Variants in RNF213 observed in about 807,000 individuals in gnomAD.
RNF213 encodes E3 ubiquitin-protein ligase RNF213.
Under a neutral mutation model 514.4 loss-of-function variants are expected in RNF213, and 341 were observed. That is an observed-to-expected ratio of 0.66 (90% CI 0.61 to 0.73). The LOEUF (loss-of-function observed/expected upper bound fraction) is 0.73. Among genes scored for constraint, RNF213 ranks in the 30% least tolerant of loss-of-function variants. RNF213 has a pLI of 0.00. For missense variants in RNF213, 5,767 were observed against 6,615.6 expected (o/e 0.87, Z 4.45); for synonymous variants, 2,655 against 2,658.2 (o/e 1.00, Z 0.04).
chr17:80,287,999 A>G lies in RNF213; in HGVS notation c.446A>G (p.Gln149Arg), dbSNP rs1431488000. The change falls in exon 4 of 68, where the codon CAG becomes CGG. Residue 149 changes from glutamine to arginine, a missense_variant. This residue lies in a region of RNF213 where 509 missense variants were observed against 496.7 expected (regional missense o/e 1.02). Transcript: ENST00000582970. ...AGTGGCCCCACTGGCCAGCCGAGCC[A>G]GCCCCCAGGCACAGCCACCACGCCA... ...QQSGPTGQPSQPPGTATTPLE... is the reference protein window; with the variant it reads ...QQSGPTGQPSRPPGTATTPLE... The G allele has an allele frequency of 6.3e-7, 1 of 1,588,358 alleles. No individual in the cohort carries two copies. Among genetic ancestry groups the G allele is most frequent in the Admixed American group, 1.8e-5 (1 of 54,696 alleles).
At chr17:80,375,423 C>A (rs896564885) in intron 50 of RNF213, among the ~76,000 whole-genome samples, 1 of 151,906 alleles carries the variant, frequency 6.6e-6, no homozygotes, top group Non-Finnish European at 1.5e-5. Context: ...TGGCAGGCAG[C>A]GGTGCGGGGG....
chr17:80,340,731 C>A (rs2078132718), intron 26 of RNF213: 2 of 187,880 alleles, frequency 1.1e-5, no homozygotes, highest in Admixed American at 5.9e-5. Context: ...AGCAATTATC[C>A]TGCCTCAGCC....
intron 18 of RNF213, 29 bp downstream of exon 18, chr17:80,325,227 A>C: frequency 6.6e-7 from 1 of 1,511,080 alleles, no homozygotes; most frequent in Non-Finnish European, 8.9e-7. Context: ...TGGGAACATC[A>C]GCTCAGGCAA....
intron 3 of RNF213, 37 bp from the exon 4 acceptor site, chr17:80,287,778 T>C: frequency 6.2e-7 from 1 of 1,605,302 alleles, no homozygotes; most frequent in Non-Finnish European, 8.5e-7. Flanking sequence ...GTAGAGTAAA[T>C]CTAAGAAATA....
intron 32 of RNF213, chr17:80,352,225 G>A (rs1163181695): frequency 2.6e-5 from 5 of 194,124 alleles, no homozygotes; most frequent in African/African-American, 9.5e-5. Context: ...TCTGAAATTA[G>A]AATATTATTG....
At position 80,393,545 on chromosome 17, in the gene RNF213, T is replaced by C. The variant is rs1209479973; in HGVS notation, c.*47T>C. 6.3e-7 allele frequency: 1 copy of C among 1,597,138 alleles called. No homozygotes were observed. The highest frequency in any genetic ancestry group is 1.1e-5 in the South Asian group (1 of 90,484). On this transcript the variant is annotated 3_prime_UTR_variant, in exon 68 of 68. Coordinates refer to ENST00000582970, the MANE Select transcript of RNF213 (RefSeq NM_001256071.3). Reference sequence around the variant, plus strand: ...TGGATGACTTTGGAGAGAAGACTCCTCTCTCCTCGTCTGCGGCGTGGACTT... The same window carrying C: ...TGGATGACTTTGGAGAGAAGACTCCCCTCTCCTCGTCTGCGGCGTGGACTT...
intron 21 of RNF213, 122 bp from the exon 22 acceptor site, chr17:80,333,983 A>G (rs2077911060): frequency 1.8e-6 from 2 of 1,102,912 alleles, no homozygotes; most frequent in Non-Finnish European, 2.6e-6. Flanking sequence ...CTGTTGTCAC[A>G]GCAGTGGCAA....
At position 80,306,132 on chromosome 17, in the gene RNF213, G is replaced by A. The variant is rs1348318932; in HGVS notation, c.2211-120G>A. The stretch of plus-strand genomic sequence containing the variant: ...TGTGAGCCACCACGCCTGCCCTCAA[G>A]TAGTATTTAAATCATTTTTGAATTC... On this transcript the variant is annotated intron_variant, in intron 11 of 67. Transcript: ENST00000582970. 3 of 980,458 alleles carry A rather than the reference G, an allele frequency of 3.1e-6. No homozygotes were observed. In the African/African-American group the frequency reaches 4.8e-5, roughly 16 times the overall value. 60.7% of individuals were successfully genotyped at this position (980,458 alleles called of 1,614,324 possible). A position where few individuals can be genotyped will look rare whatever the true frequency, so the allele number is the denominator to read the frequency against.
At chr17:80,356,614 C>T (rs1036857747) in intron 36 of RNF213, among the ~76,000 whole-genome samples, 4 of 152,252 alleles carry the variant, frequency 2.6e-5, no homozygotes, top group African/African-American at 9.6e-5. Flanking sequence ...CGAACTCTGC[C>T]TGCCTGTCCA....
intron 3 of RNF213, among the ~76,000 whole-genome samples, chr17:80,287,032 G>T (rs2044495830): frequency 6.6e-6 from 1 of 152,154 alleles, no homozygotes. Context: ...TTATAGAGGT[G>T]CATAAAACGT....
At chr17:80,309,971 G>C (rs1364855736) in intron 14 of RNF213, among the ~76,000 whole-genome samples, 2 of 151,962 alleles carry the variant, frequency 1.3e-5, no homozygotes, top group East Asian at 3.9e-4. Context: ...AGCCAGGATG[G>C]TCTCGATCTC....
intron 58 of RNF213, 88 bp downstream of exon 58, chr17:80,383,158 C>T (rs2080092508): frequency 1.1e-6 from 1 of 931,408 alleles, no homozygotes. Context: ...GCCTGTTGCC[C>T]CTCGTAGCGG....
rs1371608906 is a variant in RNF213 at position 80,337,752 on chromosome 17, A to C, written c.4668+26A>C. ...GTGAGCGGTCCCCAGCCCTCGGCGC[A>C]GCTGCGGCCCTTCTGCAGGCTGCTG... is the stretch of plus-strand genomic sequence containing the variant. On this transcript the variant is annotated intron_variant, in intron 24 of 67. Coordinates refer to ENST00000582970, the MANE Select transcript of RNF213 (RefSeq NM_001256071.3). 7 of 1,537,214 alleles carry C rather than the reference A, an allele frequency of 4.6e-6. No individual in the cohort carries two copies. In the East Asian group the frequency reaches 1.2e-4, roughly 27 times the overall value.
chr17:80,355,646 C>T (rs201905893), intron 36 of RNF213, among the ~76,000 whole-genome samples: 9 of 18,090 alleles, frequency 5.0e-4, no homozygotes, highest in African/African-American at 1.5e-3. Flanking sequence ...GGGGAAGAAG[C>T]GGGGTGGACG....
At position 80,332,124 on chromosome 17, in the gene RNF213, C is replaced by A; in HGVS notation, c.3636C>A (p.His1212Gln). The A allele has an allele frequency of 6.5e-7, 1 of 1,537,210 alleles. No homozygotes were observed. Among genetic ancestry groups the A allele is most frequent in the Non-Finnish European group, 8.7e-7 (1 of 1,146,920 alleles). ...SSNSQRATHY[H>Q]LSSQVQEMAG... ...ACTCGCAGAGGGCAACGCATTACCACCTGAGCTCCCAGGTCCAAGAAATGG... is the reference window on the plus strand; with the variant it reads ...ACTCGCAGAGGGCAACGCATTACCAACTGAGCTCCCAGGTCCAAGAAATGG... Residue 1212 changes from histidine to glutamine, a missense_variant, in exon 21 of 68, where the codon CAC becomes CAA. This residue lies in a region of RNF213 where 516 missense variants were observed against 566.5 expected (regional missense o/e 0.91). Coordinates refer to ENST00000582970, the MANE Select transcript of RNF213 (RefSeq NM_001256071.3).
intron 40 of RNF213, 125 bp from the exon 41 acceptor site, chr17:80,363,484 C>A: frequency 7.9e-7 from 1 of 1,266,934 alleles, no homozygotes; most frequent in Non-Finnish European, 1.1e-6. Context: ...CTTCTCACAT[C>A]CTAGACAATG....
At position 80,383,073 on chromosome 17, in the gene RNF213, A is replaced by G. The variant is rs1343597750; in HGVS notation, c.14070+3A>G. Reference sequence around the variant, plus strand: ...CTGTGATTTCTCCTGAACTGGAGGTAAGCAGTAAGTGCTGACAGCTGGGTT... The same window carrying G: ...CTGTGATTTCTCCTGAACTGGAGGTGAGCAGTAAGTGCTGACAGCTGGGTT... On this transcript the variant is annotated splice_donor_region_variant and intron_variant, in intron 58 of 67. Coordinates refer to ENST00000582970, the MANE Select transcript of RNF213 (RefSeq NM_001256071.3). The G allele has an allele frequency of 6.2e-7, 1 of 1,607,728 alleles. No homozygotes were observed. Among genetic ancestry groups the G allele is most frequent in the Non-Finnish European group, 8.5e-7 (1 of 1,174,252 alleles).
At chr17:80,329,686 C>G (rs1439146477) in intron 20 of RNF213, among the ~76,000 whole-genome samples, 1 of 152,036 alleles carries the variant, frequency 6.6e-6, no homozygotes, top group Non-Finnish European at 1.5e-5. Context: ...AAAAAATTAG[C>G]AAGACACGGT....
rs1231889251 is a variant in RNF213 at position 80,264,425 on chromosome 17, G to A, written c.97+647G>A. 6.6e-6 allele frequency among the ~76,000 whole-genome samples: 1 copy of A among 152,124 alleles called. No homozygotes were observed. The highest frequency in any genetic ancestry group is 1.5e-5 in the Non-Finnish European group (1 of 68,026). ...GGGCCTTGCCTGCTGAGCATCTTGA[G>A]TCCATTCTCAATTTTGTTGGCTTCT... On this transcript the variant is annotated intron_variant, in intron 2 of 67. Coordinates refer to ENST00000582970, the MANE Select transcript of RNF213 (RefSeq NM_001256071.3). The surrounding 1 kb of genome is among the most constrained non-coding windows in gnomAD (Gnocchi z 5.0).
Sources: allele counts gnomAD v4.1 joint callset (sites outside exome capture counted in the v4.1 genomes callset), GRCh38; gene constraint gnomAD v4.1.1; regional missense constraint gnomAD v4.1.1; non-coding constraint Gnocchi (gnomAD v3.1); transcripts MANE v1.5; gene names NCBI Gene and HGNC (gene_info 2026-07-23, HGNC 2026-07-21).